HEATR3: variants seen among roughly 807,000 people sequenced by gnomAD.
HEATR3 encodes HEAT repeat-containing protein 3.
A neutral mutation model predicts 72.8 loss-of-function variants in HEATR3; 56 were observed. The observed-to-expected ratio is 0.77, with a 90% CI of 0.62 to 0.96. HEATR3 has a LOEUF of 0.96. Ranked by LOEUF, HEATR3 falls within the 40% of genes least tolerant of loss-of-function variation. The probability of loss-of-function intolerance (pLI) is 0.00; values close to 1 mark genes in which losing one functional copy is unlikely to be tolerated. For missense variants in HEATR3, 747 were observed against 831.4 expected (o/e 0.90, Z 1.25); for synonymous variants, 331 against 318.1 (o/e 1.04, Z -0.43).
chr16:50,093,342 T>G (rs1317922878), intron 11 of HEATR3, among the ~76,000 whole-genome samples: 1 of 152,188 alleles, frequency 6.6e-6, no homozygotes, highest in Admixed American at 6.5e-5. Context: ...CGAAGTTTCC[T>G]TTGGTCAAGA....
intron 11 of HEATR3, among the ~76,000 whole-genome samples, chr16:50,091,468 A>C (rs1274145721): frequency 6.6e-6 from 1 of 151,978 alleles, no homozygotes; most frequent in African/African-American, 2.4e-5. Context: ...CTCCGTCTAA[A>C]AAACATAATA....
intron 12 of HEATR3, among the ~76,000 whole-genome samples, chr16:50,096,324 CAAAAAA>C (rs59995532): frequency 2.3e-5 from 2 of 86,818 alleles, no homozygotes; most frequent in Non-Finnish European, 4.4e-5. Context: ...GACTCCGTCT[CAAAAAA>C]AAAAAAAAAA....
At chr16:50,076,338 C>T (rs527546443) in intron 6 of HEATR3, among the ~76,000 whole-genome samples, 81 of 152,072 alleles carry the variant, frequency 5.3e-4, no homozygotes, top group African/African-American at 1.9e-3. Flanking sequence ...CAAGCGTGCG[C>T]CACCACGCTC....
At position 50,105,251 on chromosome 16, in the gene HEATR3, A is replaced by G; in HGVS notation, c.*190A>G. On this transcript the variant is annotated 3_prime_UTR_variant, in exon 15 of 15. Coordinates refer to ENST00000299192, the MANE Select transcript of HEATR3 (RefSeq NM_182922.4). ...ATAATCCCAGCACCTTGGGAGACCG[A>G]GGCGGGTGGATCACTTGAGGTCAGG... 1 of 515,484 alleles carries G rather than the reference A, an allele frequency of 1.9e-6. No homozygotes were observed. Among genetic ancestry groups the G allele is most frequent in the Non-Finnish European group, 3.3e-6 (1 of 302,382 alleles). 31.9% of individuals were successfully genotyped at this position (515,484 alleles called of 1,614,324 possible).
chr16:50,075,780 A>AT (rs2036714196), intron 6 of HEATR3, 69 bp downstream of exon 6: 1 of 1,369,962 alleles, frequency 7.3e-7, no homozygotes, highest in African/African-American at 1.4e-5. Flanking sequence ...TGGGGGCAAA[A>AT]TTTAGTCATT....
At chr16:50,087,233 C>T (rs973077747) in intron 11 of HEATR3, among the ~76,000 whole-genome samples, 7 of 152,126 alleles carry the variant, frequency 4.6e-5, no homozygotes, top group Non-Finnish European at 7.3e-5. Flanking sequence ...TACACCTTGC[C>T]ATCATCTAAC....
intron 13 of HEATR3, among the ~76,000 whole-genome samples, chr16:50,101,452 A>T (rs1380105536): frequency 1.3e-5 from 2 of 152,142 alleles, no homozygotes; most frequent in Non-Finnish European, 2.9e-5. Context: ...CCTGGTCCAT[A>T]TTCATAATTT....
rs1567426536 is a variant in HEATR3, at chr16:50,072,593, C to T, written c.513-12C>T. On this transcript the variant is annotated splice_polypyrimidine_tract_variant and intron_variant, in intron 4 of 14. Coordinates refer to ENST00000299192, the MANE Select transcript of HEATR3 (RefSeq NM_182922.4). ...GTGAATAGTAAAACTTTTTTTTCCC[C>T]CTTCAATTTAGTGAATGCAGTAGTA... 2.6e-6 allele frequency: 4 copies of T among 1,539,586 alleles called. No individual in the cohort carries two copies. The highest frequency in any genetic ancestry group is 1.4e-5 in the African/African-American group (1 of 73,194).
intron 11 of HEATR3, among the ~76,000 whole-genome samples, chr16:50,089,343 T>C (rs556546037): frequency 4.0e-4 from 61 of 152,272 alleles, no homozygotes; most frequent in African/African-American, 1.4e-3. Flanking sequence ...AACAGTAATT[T>C]TGAAAATGTA....
At position 50,100,118 on chromosome 16, in the gene HEATR3, ACT is replaced by A. The variant is rs1320660642; in HGVS notation, c.1600-109_1600-108del. The A allele has an allele frequency of 2.1e-5, 20 of 973,740 alleles. No homozygotes were observed. In the Middle Eastern group the frequency reaches 8.4e-4, roughly 41 times the overall value. 60.3% of individuals were successfully genotyped at this position (973,740 alleles called of 1,614,324 possible). On this transcript the variant is annotated intron_variant, in intron 12 of 14. Coordinates refer to ENST00000299192, the MANE Select transcript of HEATR3 (RefSeq NM_182922.4). ...AACTTACCTGCCAGGAGTTTATGTC[ACT>A]CTTAAAATCCTGTAGCCTATAGAGG... is the stretch of plus-strand genomic sequence containing the variant.
intron 4 of HEATR3, among the ~76,000 whole-genome samples, chr16:50,070,635 G>T (rs1167436093): frequency 1.3e-5 from 2 of 152,062 alleles, no homozygotes; most frequent in African/African-American, 4.8e-5. Flanking sequence ...CCTGGAGGCA[G>T]AGCTTGCAGT....
At chr16:50,091,189 G>A (rs918987594) in intron 11 of HEATR3, among the ~76,000 whole-genome samples, 3 of 151,628 alleles carry the variant, frequency 2.0e-5, no homozygotes, top group Admixed American at 6.6e-5. Flanking sequence ...AATTCAGGCT[G>A]GGAGTGGTGG....
chr16:50,094,778 C>T lies in HEATR3; in HGVS notation c.1584C>T (p.Ser528=), dbSNP rs764037733. Residue 528 remains serine (S), a synonymous_variant, in exon 12 of 15, where the codon TCC becomes TCT. Transcript: ENST00000299192. ...GGGCCCTTTTGCAAACAATGGCCTC[C>T]AAGAACATTTCCCAGGTAAGAGTTT... ...ALRALLQTMA[S]KNISQCMTPD... 5 of 1,592,686 alleles carry T rather than the reference C, an allele frequency of 3.1e-6. No homozygotes were observed. The South Asian group carries it at 5.7e-5, about 18-fold the overall frequency.
intron 12 of HEATR3, among the ~76,000 whole-genome samples, chr16:50,098,677 T>A (rs1229937872): frequency 6.6e-6 from 1 of 151,604 alleles, no homozygotes; most frequent in Non-Finnish European, 1.5e-5. Context: ...TAATAATAAA[T>A]AATTTAAAAA....
At chr16:50,095,902 C>A (rs1194227268) in intron 12 of HEATR3, among the ~76,000 whole-genome samples, 1 of 152,114 alleles carries the variant, frequency 6.6e-6, no homozygotes, top group African/African-American at 2.4e-5. Flanking sequence ...TTTTAAAAAT[C>A]TTAACCCCAG....
chr16:50,078,677 AAAACTT>A, intron 6 of HEATR3, 58 bp from the exon 7 acceptor site: 1 of 1,509,120 alleles, frequency 6.6e-7, no homozygotes, highest in East Asian at 2.3e-5. Context: ...CAGTCTTGTG[AAAACTT>A]AAACTTAGTA....
intron 14 of HEATR3, among the ~76,000 whole-genome samples, chr16:50,102,992 A>G (rs986659783): frequency 2.6e-5 from 4 of 152,120 alleles, no homozygotes; most frequent in South Asian, 4.1e-4. Context: ...CGAACTCCCA[A>G]CCTCAGGTGA....
At chr16:50,103,990 G>A (rs11640627) in intron 14 of HEATR3, among the ~76,000 whole-genome samples, 120,276 of 152,030 alleles carry the variant, frequency 0.79, 47,713 homozygotes, top group Middle Eastern at 0.84. Flanking sequence ...GTGGATTGCA[G>A]CACTGCACTC....
At chr16:50,081,143 T>G (rs978399849) in intron 7 of HEATR3, among the ~76,000 whole-genome samples, 1 of 152,238 alleles carries the variant, frequency 6.6e-6, no homozygotes, top group Admixed American at 6.5e-5. Context: ...AAAAACTGGC[T>G]TTTTAAAGTC....
Sources: allele counts gnomAD v4.1 joint callset (sites outside exome capture counted in the v4.1 genomes callset), GRCh38; gene constraint gnomAD v4.1.1; transcripts MANE v1.5; gene names NCBI Gene and HGNC (gene_info 2026-07-23, HGNC 2026-07-21).